RAVER1: variants seen among roughly 807,000 people sequenced by gnomAD.
The protein encoded by RAVER1 is ribonucleoprotein PTB-binding 1.
RAVER1 carries 36 observed loss-of-function variants against 68.4 expected under a neutral mutation model. The ratio of observed to expected loss-of-function variants is 0.53; its 90% CI spans 0.40 to 0.70. The LOEUF (loss-of-function observed/expected upper bound fraction) is 0.70, where lower values mean the gene tolerates loss of function less well. RAVER1 is among the 30% of genes least tolerant of loss of function. RAVER1 has a pLI of 0.00. For missense variants in RAVER1, 933 were observed against 1,019.8 expected (o/e 0.91, Z 1.16); for synonymous variants, 469 against 472.7 (o/e 0.99, Z 0.10).
In RAVER1 at chr19:10,318,322, G is replaced by C; in HGVS notation, c.1896C>G (p.Gly632=). 1 of 1,601,728 alleles carries C rather than the reference G, an allele frequency of 6.2e-7. No individual in the cohort carries two copies. Among genetic ancestry groups the C allele is most frequent in the Non-Finnish European group, 8.5e-7 (1 of 1,175,478 alleles). Residue 632 remains glycine (G), a synonymous_variant, in exon 11 of 13, where the codon GGC becomes GGG. Transcript: ENST00000617231. ...GFGERSSGGS[G]GGPLSHFYSG... ...AATAGAAGTGAGACAGGGGGCCCCC[G>C]CCACTCCCACCGCTGCTCCGTTCGC...
At chr19:10,330,312 A>G in intron 2 of RAVER1, 148 bp downstream of exon 2, 2 of 579,374 alleles carry the variant, frequency 3.5e-6, no homozygotes, top group East Asian at 5.9e-5. Context: ...CCAAGATGAC[A>G]GGATGACAGG....
At chr19:10,320,504 T>TAAA (rs773652670) in intron 9 of RAVER1, 151 bp downstream of exon 9, 544 of 473,428 alleles carry the variant, frequency 1.1e-3, no homozygotes, top group South Asian at 1.5e-3. Flanking sequence ...ACCCTGTCTC[T>TAAA]AAAAAAAAAA....
Position 10,320,920 on chromosome 19 carries a change from T to C in RAVER1, c.1505A>G (p.Tyr502Cys). The C allele has an allele frequency of 2.7e-6, 4 of 1,500,720 alleles. No homozygotes were observed. The highest frequency in any genetic ancestry group is 2.9e-5 in the African/African-American group (2 of 69,632). The allele number at this position is 1,500,720 out of a possible 1,614,324, so 93.0% of individuals were successfully genotyped here. The change falls in exon 9 of 13, where the codon TAC becomes TGC. Residue 502 changes from tyrosine to cysteine, a missense_variant. By Grantham distance (194) the Tyr-to-Cys change is radical. This residue lies in a region of RAVER1 where 699 missense variants were observed against 731.1 expected (regional missense o/e 0.96). Transcript: ENST00000617231. ...CAGGTAGGGATTCAGGGGAATCCGG[T>C]AGTCCTTGGGGGGCTCCCCCAGCAG... Reference protein sequence around the residue: ...VSLLGEPPKDYRIPLNPYLNL... With the variant: ...VSLLGEPPKDCRIPLNPYLNL...
In RAVER1 at chr19:10,322,529, G is replaced by A; in HGVS notation, c.1173+116C>T. 1.4e-6 allele frequency: 1 copy of A among 728,576 alleles called. No individual in the cohort carries two copies. 45.1% of individuals were successfully genotyped at this position (728,576 alleles called of 1,614,324 possible). ...GTTTGGGGGAGTCGCCCTCACCCTG[G>A]TTCTGCGCCCCCAGGGCACAGCCAG... On this transcript the variant is annotated intron_variant, in intron 6 of 12. Transcript: ENST00000617231. This position sits in a 1 kb window ranked among gnomAD's most constrained non-coding sequence, Gnocchi z 4.3.
intron 3 of RAVER1, among the ~76,000 whole-genome samples, chr19:10,324,201 A>G (rs990430292): frequency 2.0e-5 from 3 of 151,294 alleles, no homozygotes; most frequent in Non-Finnish European, 4.4e-5. Context: ...TGGGGAAGGA[A>G]GGGCTCTCGT....
intron 3 of RAVER1, among the ~76,000 whole-genome samples, chr19:10,325,092 C>T (rs1454290195): frequency 1.3e-5 from 2 of 152,002 alleles, no homozygotes; most frequent in Admixed American, 6.6e-5. Context: ...ATGATCTTGG[C>T]TCACTGCAAC....
In RAVER1 at chr19:10,321,169, T is replaced by C; in HGVS notation, c.1352A>G (p.Glu451Gly). ...CGCTGGGGGACCCAAGCCCAGGGCCTCCCGGTCACCCCCAGCAGGGCCAAG... is the reference window on the plus strand; with the variant it reads ...CGCTGGGGGACCCAAGCCCAGGGCCCCCCGGTCACCCCCAGCAGGGCCAAG... Reference protein sequence around the residue: ...SVLGPAGGDREALGLGPPAAQ... With the variant: ...SVLGPAGGDRGALGLGPPAAQ... The change falls in exon 8 of 13, where the codon GAG becomes GGG. Residue 451 changes from glutamate (E) to glycine (G), a missense_variant. Physicochemically the swap from Glu to Gly is moderately conservative, Grantham distance 98 (BLOSUM62 -2). This residue lies in a region of RAVER1 where 699 missense variants were observed against 731.1 expected (regional missense o/e 0.96). Transcript: ENST00000617231. 1 of 1,286,468 alleles carries C rather than the reference T, an allele frequency of 7.8e-7. No individual in the cohort carries two copies. The highest frequency in any genetic ancestry group is 9.9e-7 in the Non-Finnish European group (1 of 1,014,278). The allele number at this position is 1,286,468 out of a possible 1,614,324, so 79.7% of individuals were successfully genotyped here. A position where few individuals can be genotyped will look rare whatever the true frequency, so the allele number is the denominator to read the frequency against.
At position 10,328,445 on chromosome 19, in the gene RAVER1, T is replaced by C. The variant is rs926278203; in HGVS notation, c.756+197A>G. On this transcript the variant is annotated intron_variant, in intron 3 of 12. Coordinates refer to ENST00000617231, the MANE Select transcript of RAVER1 (RefSeq NM_133452.3). This position sits in a 1 kb window ranked among gnomAD's most constrained non-coding sequence, Gnocchi z 4.4. Reference sequence around the variant, plus strand: ...GGGGCGCCTATAATCCCAGCTACTCTGGAGGTTAAGGCAAGAGAATTGCTT... The same window carrying C: ...GGGGCGCCTATAATCCCAGCTACTCCGGAGGTTAAGGCAAGAGAATTGCTT... 1.3e-5 allele frequency among the ~76,000 whole-genome samples: 2 copies of C among 151,946 alleles called. No homozygotes were observed. The highest frequency in any genetic ancestry group is 2.9e-5 in the Non-Finnish European group (2 of 67,984).
At chr19:10,321,411 G>A in intron 7 of RAVER1, 120 bp downstream of exon 7, 1 of 902,540 alleles carries the variant, frequency 1.1e-6, no homozygotes, top group Non-Finnish European at 1.5e-6. Flanking sequence ...TGAGTGGAGG[G>A]CACCCAACTG....
chr19:10,320,114 A>G (rs1489621172), intron 9 of RAVER1, among the ~76,000 whole-genome samples: 1 of 152,142 alleles, frequency 6.6e-6, no homozygotes, highest in Non-Finnish European at 1.5e-5. Context: ...GCAGGATGAC[A>G]GACAGACTGA....
At chr19:10,324,597 T>C (rs1229661350) in intron 3 of RAVER1, among the ~76,000 whole-genome samples, 1 of 152,144 alleles carries the variant, frequency 6.6e-6, no homozygotes, top group African/African-American at 2.4e-5. Flanking sequence ...AAGGCTGGTC[T>C]TGAACTCCTG....
At position 10,328,757 on chromosome 19, in the gene RAVER1, G is replaced by A. The variant is rs550632404; in HGVS notation, c.641C>T (p.Thr214Met). 2.4e-5 allele frequency: 39 copies of A among 1,612,884 alleles called. No individual in the cohort carries two copies. The highest frequency in any genetic ancestry group is 3.1e-5 in the Non-Finnish European group (37 of 1,179,788). ...GCAGCGGGAGTGGAGAAGGGCAGGC[G>A]TCAGTTGCCCGGCATCCGTCCAGTG... ...YVHWTDAGQL[T>M]PALLHSRCLC... Residue 214 changes from threonine to methionine, a missense_variant, in exon 3 of 13, where the codon ACG (threonine) becomes ATG (methionine). Thr to Met is a moderately conservative substitution (Grantham distance 81). This residue lies in a region of RAVER1 where 699 missense variants were observed against 731.1 expected (regional missense o/e 0.96). Coordinates refer to ENST00000617231, the MANE Select transcript of RAVER1 (RefSeq NM_133452.3). This position sits in a 1 kb window ranked among gnomAD's most constrained non-coding sequence, Gnocchi z 4.4.
At position 10,320,865 on chromosome 19, in the gene RAVER1, G is replaced by C. The variant is rs190891100; in HGVS notation, c.1560C>G (p.Asn520Lys). The C allele has an allele frequency of 6.6e-7, 1 of 1,511,948 alleles. No individual in the cohort carries two copies. Among genetic ancestry groups the C allele is most frequent in the East Asian group, 2.5e-5 (1 of 40,122 alleles). The allele number at this position is 1,511,948 out of a possible 1,614,324, so 93.7% of individuals were successfully genotyped here. ...AGCCCCGGGCCTCCTTACCCGCCAG[G>C]TTGCTGGCCGGGAGCAGGCTGTGTA... is the stretch of plus-strand genomic sequence containing the variant. Reference protein sequence around the residue: ...LNLHSLLPASNLAGKEARGWG... With the variant: ...LNLHSLLPASKLAGKEARGWG... The change falls in exon 9 of 13, where the codon AAC becomes AAG. Residue 520 changes from asparagine (N) to lysine (K), a missense_variant. Around this residue, in one of 3 missense-constraint regions of RAVER1, gnomAD observed 699 missense variants for 731.1 expected, o/e 0.96. Transcript: ENST00000617231.
rs1369033438 is a variant in RAVER1, at chr19:10,316,490, G to A, written c.*964C>T. On this transcript the variant is annotated 3_prime_UTR_variant, in exon 13 of 13. Coordinates refer to ENST00000617231, the MANE Select transcript of RAVER1 (RefSeq NM_133452.3). ...CCAGGGATCTGGCCGGGGGTGGGCA[G>A]GCAGAATTCAAGAATTCATCTTCAA... 5 of 990,710 alleles carry A rather than the reference G, an allele frequency of 5.0e-6. No individual in the cohort carries two copies. The highest frequency in any genetic ancestry group is 6.0e-6 in the Non-Finnish European group (5 of 833,278). 61.4% of individuals were successfully genotyped at this position (990,710 alleles called of 1,614,324 possible).
At chr19:10,324,647 G>A (rs1372825769) in intron 3 of RAVER1, among the ~76,000 whole-genome samples, 2 of 151,994 alleles carry the variant, frequency 1.3e-5, no homozygotes, top group African/African-American at 4.8e-5. Context: ...CCAAAGTGCT[G>A]GATTACAGGC....
At position 10,317,544 on chromosome 19, in the gene RAVER1, G is replaced by A; in HGVS notation, c.2130C>T (p.Pro710=). 1 of 1,613,248 alleles carries A rather than the reference G, an allele frequency of 6.2e-7. No homozygotes were observed. Among genetic ancestry groups the A allele is most frequent in the Non-Finnish European group, 8.5e-7 (1 of 1,179,558 alleles). The change falls in exon 13 of 13, where the codon CCC becomes CCT. Residue 710 remains proline, a synonymous_variant. Coordinates refer to ENST00000617231, the MANE Select transcript of RAVER1 (RefSeq NM_133452.3). This position sits in a 1 kb window ranked among gnomAD's most constrained non-coding sequence, Gnocchi z 4.3. ...SFAHLLPSPE[P]SPEGSYVGQH... is the part of the protein sequence containing the mutation. ...GGCCCACATAGCTGCCTTCTGGGCTGGGCTCGGGCGAGGGCAGCAGGTGGG... is the reference window on the plus strand; with the variant it reads ...GGCCCACATAGCTGCCTTCTGGGCTAGGCTCGGGCGAGGGCAGCAGGTGGG...
Position 10,333,339 on chromosome 19 carries a change from T to C in RAVER1, c.169A>G (p.Asn57Asp). 6.2e-7 allele frequency: 1 copy of C among 1,613,758 alleles called. No individual in the cohort carries two copies. Residue 57 changes from asparagine to aspartate, a missense_variant, in exon 1 of 13, where the codon AAC (asparagine) becomes GAC (aspartate). This residue lies in a region of RAVER1 where 211 missense variants were observed against 230.0 expected (regional missense o/e 0.92). Transcript: ENST00000617231. This position sits in a 1 kb window ranked among gnomAD's most constrained non-coding sequence, Gnocchi z 4.2. ...CCCCGGATCAGTATCTTGCGGCGGTTACGGAACTGGCGCTCGGTGTGTTCC... is the reference window on the plus strand; with the variant it reads ...CCCCGGATCAGTATCTTGCGGCGGTCACGGAACTGGCGCTCGGTGTGTTCC... ...RLEHTERQFR[N>D]RRKILIRGLP... is the part of the protein sequence containing the mutation.
intron 11 of RAVER1, 96 bp downstream of exon 11, chr19:10,318,133 T>C (rs1245676071): frequency 9.1e-7 from 1 of 1,099,516 alleles, no homozygotes; most frequent in East Asian, 2.6e-5. Context: ...ACCCCAGCTT[T>C]GGCCTGGGCA....
chr19:10,317,557 G>A lies in RAVER1; in HGVS notation c.2117C>T (p.Pro706Leu), dbSNP rs1433404097. ...GCCTTCTGGGCTGGGCTCGGGCGAG[G>A]GCAGCAGGTGGGCAAAGCTGCGTTT... is the stretch of plus-strand genomic sequence containing the variant. ...GQKRSFAHLL[P>L]SPEPSPEGSY... Residue 706 changes from proline (P) to leucine (L), a missense_variant, in exon 13 of 13, where the codon CCC (proline) becomes CTC (leucine). Coordinates refer to ENST00000617231, the MANE Select transcript of RAVER1 (RefSeq NM_133452.3). The surrounding 1 kb of genome is among the most constrained non-coding windows in gnomAD (Gnocchi z 4.3). 6.2e-7 allele frequency: 1 copy of A among 1,612,762 alleles called. No individual in the cohort carries two copies. Among genetic ancestry groups the A allele is most frequent in the Admixed American group, 1.7e-5 (1 of 59,776 alleles).
Sources: gnomAD v4.1 joint callset for allele counts (sites outside exome capture counted in the v4.1 genomes callset) on GRCh38, gnomAD v4.1.1 for gene constraint, gnomAD v4.1.1 regional missense constraint, Gnocchi (gnomAD v3.1) non-coding constraint, MANE v1.5 for transcripts, NCBI Gene and HGNC (gene_info 2026-07-23, HGNC 2026-07-21) for gene names.